The following PCDHGA1 variants were observed in gnomAD, a reference collection of about 807,000 sequenced individuals.
PCDHGA1 encodes the protein protocadherin gamma subfamily A, 1.
In PCDHGA1, 32 loss-of-function variants were observed where a neutral mutation model predicts 58.0. That is an observed-to-expected ratio of 0.55 (90% confidence interval 0.42 to 0.74). The LOEUF is 0.74. Ranked by LOEUF, PCDHGA1 falls within the 30% of genes least tolerant of loss-of-function variation. PCDHGA1 has a pLI of 0.00. For missense variants in PCDHGA1, 1,205 were observed against 1,182.3 expected, an observed-to-expected ratio of 1.02 and a Z score of -0.28; for synonymous variants, 498 against 501.1, an observed-to-expected ratio of 0.99 and a Z score of 0.08.
intron 1 of PCDHGA1, chr5:141,403,018 G>A (rs752656852): frequency 9.3e-6 from 15 of 1,613,966 alleles, no homozygotes; most frequent in South Asian, 1.1e-5. Context: ...TCCTGGGGAT[G>A]CTATGGGAGG....
intron 1 of PCDHGA1, chr5:141,412,841 G>C (rs1285924844): frequency 4.9e-6 from 1 of 205,932 alleles, no homozygotes; most frequent in East Asian, 1.1e-4. Flanking sequence ...AAAGATAGGA[G>C]TGGAGAAACC....
rs775898365 is a variant in PCDHGA1 at position 141,476,425 on chromosome 5, T to C, written c.2422-18382T>C. On this transcript the variant is annotated intron_variant, in intron 1 of 3. Transcript: ENST00000517417. This position sits in a 1 kb window ranked among gnomAD's most constrained non-coding sequence, Gnocchi z 7.6. ...AGGAGCTGTGTGGGACACTGCCCTC[T>C]TGCACTGTAACTCTGGAGTTGGTAG... is the stretch of plus-strand genomic sequence containing the variant. The C allele has an allele frequency of 1.2e-6, 2 of 1,614,108 alleles. No homozygotes were observed. Among genetic ancestry groups the C allele is most frequent in the East Asian group, 4.5e-5 (2 of 44,848 alleles).
Position 141,476,962 on chromosome 5 carries a change from C to T in PCDHGA1, c.2422-17845C>T. The stretch of plus-strand genomic sequence containing the variant: ...GCCCCAACGGTGAAATTATTTACTC[C>T]TTCGGCAGCCACAACCGCGCCGGCG... On this transcript the variant is annotated intron_variant, in intron 1 of 3. Coordinates refer to ENST00000517417, the MANE Select transcript of PCDHGA1 (RefSeq NM_018912.3). The surrounding 1 kb of genome is among the most constrained non-coding windows in gnomAD (Gnocchi z 7.6). 6.2e-7 allele frequency: 1 copy of T among 1,614,200 alleles called. No homozygotes were observed. Among genetic ancestry groups the T allele is most frequent in the South Asian group, 1.1e-5 (1 of 91,090 alleles).
At chr5:141,400,608 A>G in intron 1 of PCDHGA1, 1 of 1,580,872 alleles carries the variant, frequency 6.3e-7, no homozygotes, top group Admixed American at 1.7e-5. Flanking sequence ...TTTCAAGTCC[A>G]ATGAGTTGTC....
At chr5:141,504,529 G>A (rs1333393859) in intron 2 of PCDHGA1, among the ~76,000 whole-genome samples, 1 of 151,900 alleles carries the variant, frequency 6.6e-6, no homozygotes, top group African/African-American at 2.4e-5. Context: ...TATTTTATTC[G>A]TGTCATCATG....
chr5:141,346,816 T>A (rs1341406572), intron 1 of PCDHGA1, among the ~76,000 whole-genome samples: 1 of 152,256 alleles, frequency 6.6e-6, no homozygotes, highest in Non-Finnish European at 1.5e-5. Context: ...CTGGTTTGTA[T>A]ACCTGTGATA....
rs996153387 is a variant in PCDHGA1, at chr5:141,491,985, G to A, written c.2422-2822G>A. 24 of 743,298 alleles carry A rather than the reference G, an allele frequency of 3.2e-5. No homozygotes were observed. Among genetic ancestry groups the A allele is most frequent in the Non-Finnish European group, 4.5e-5 (22 of 494,254 alleles). 46.0% of individuals were successfully genotyped at this position (743,298 alleles called of 1,614,324 possible). On this transcript the variant is annotated intron_variant, in intron 1 of 3. Transcript: ENST00000517417. The surrounding 1 kb of genome is among the most constrained non-coding windows in gnomAD (Gnocchi z 6.9). ...AGGCCGGGGCCTCCTTCGAGCTTCC[G>A]GTGAATTTCGGGCGATTTCCGCGGG...
intron 1 of PCDHGA1, chr5:141,415,325 C>T (rs1046074461): frequency 2.2e-5 from 35 of 1,614,212 alleles, no homozygotes; most frequent in East Asian, 6.7e-5. Context: ...GTGCTGCTGG[C>T]GCACAGGCTG....
At position 141,330,926 on chromosome 5, in the gene PCDHGA1, G is replaced by A. The variant is rs777462275; in HGVS notation, c.242G>A (p.Ser81Asn). The A allele has an allele frequency of 1.2e-6, 2 of 1,614,244 alleles. No homozygotes were observed. The highest frequency in any genetic ancestry group is 1.7e-6 in the Non-Finnish European group (2 of 1,180,038). ...CCGCTTTTCGCTCTGAATCCTAGAA[G>A]TGGCAGCTTGATCACCGCGCGCAGG... ...RMPLFALNPR[S>N]GSLITARRID... Residue 81 changes from serine to asparagine, a missense_variant, in exon 1 of 4, where the codon AGT becomes AAT. Coordinates refer to ENST00000517417, the MANE Select transcript of PCDHGA1 (RefSeq NM_018912.3).
chr5:141,346,617 G>A (rs559786275), intron 1 of PCDHGA1: 2 of 1,075,714 alleles, frequency 1.9e-6, no homozygotes, highest in South Asian at 1.7e-5. Context: ...TAGTAGGACT[G>A]CACTCCCCGG....
At chr5:141,401,656 T>G (rs1400500695) in intron 1 of PCDHGA1, among the ~76,000 whole-genome samples, 1 of 152,248 alleles carries the variant, frequency 6.6e-6, no homozygotes, top group East Asian at 1.9e-4. Context: ...AATGACTGGA[T>G]GTTTTCTCAA....
rs1466304019 is a variant in PCDHGA1, at chr5:141,332,138, C to G, written c.1454C>G (p.Ala485Gly). 1 of 1,614,182 alleles carries G rather than the reference C, an allele frequency of 6.2e-7. No individual in the cohort carries two copies. Among genetic ancestry groups the G allele is most frequent in the East Asian group, 2.2e-5 (1 of 44,876 alleles). The change falls in exon 1 of 4, where the codon GCA (alanine) becomes GGA (glycine). Residue 485 changes from alanine to glycine, a missense_variant. Transcript: ENST00000517417. This position sits in a 1 kb window ranked among gnomAD's most constrained non-coding sequence, Gnocchi z 4.6. ...RAHDLDSNEN[A>G]QITYSLIEDT... Reference sequence around the variant, plus strand: ...CACGACTTGGACAGCAATGAGAATGCACAAATCACTTACTCCCTAATAGAG... The same window carrying G: ...CACGACTTGGACAGCAATGAGAATGGACAAATCACTTACTCCCTAATAGAG...
chr5:141,465,997 C>T (rs1344380021), intron 1 of PCDHGA1, among the ~76,000 whole-genome samples: 1 of 151,918 alleles, frequency 6.6e-6, no homozygotes, highest in Non-Finnish European at 1.5e-5. Context: ...TGGCAGGCAC[C>T]TGTAGTCCCA....
chr5:141,441,295 A>C (rs952946372), intron 1 of PCDHGA1: 3 of 152,240 alleles, frequency 2.0e-5, no homozygotes, highest in Non-Finnish European at 4.4e-5. Flanking sequence ...CACATGTCTG[A>C]TATAAGAAAA....
chr5:141,340,358 G>A (rs1372268024), intron 1 of PCDHGA1: 5 of 1,614,024 alleles, frequency 3.1e-6, no homozygotes, highest in Non-Finnish European at 4.2e-6. Flanking sequence ...CTACATTCCC[G>A]AAAACAACCC....
intron 1 of PCDHGA1, chr5:141,372,829 T>C (rs1769106539): frequency 6.5e-7 from 1 of 1,550,378 alleles, no homozygotes; most frequent in Admixed American, 2.0e-5. Flanking sequence ...TTCAAACCTT[T>C]CCTTCCATAA....
chr5:141,482,248 C>G (rs1056466272), intron 1 of PCDHGA1, among the ~76,000 whole-genome samples: 1 of 152,084 alleles, frequency 6.6e-6, no homozygotes, highest in African/African-American at 2.4e-5. Context: ...AAGTATAGTA[C>G]TGTACATATT....
chr5:141,407,455 C>G (rs2094931708), intron 1 of PCDHGA1, among the ~76,000 whole-genome samples: 1 of 148,412 alleles, frequency 6.7e-6, no homozygotes, highest in African/African-American at 2.5e-5. Context: ...ACGAGGCTCA[C>G]CAGACAGATG....
intron 1 of PCDHGA1, chr5:141,376,202 T>C: frequency 3.7e-6 from 6 of 1,614,174 alleles, no homozygotes; most frequent in Non-Finnish European, 4.2e-6. Context: ...CTTCCTGGCC[T>C]TCGTCATCGT....
Sources: allele counts gnomAD v4.1 joint callset (sites outside exome capture counted in the v4.1 genomes callset), GRCh38; gene constraint gnomAD v4.1.1; non-coding constraint Gnocchi (gnomAD v3.1); transcripts MANE v1.5; gene names NCBI Gene and HGNC (gene_info 2026-07-23, HGNC 2026-07-21).